ERN1: variants seen among roughly 807,000 people sequenced by gnomAD.
ERN1 encodes endoplasmic reticulum to nucleus signaling 1.
ERN1 carries 39 observed loss-of-function variants against 113.1 expected under a neutral mutation model. The ratio of observed to expected loss-of-function variants is 0.34; its 90% CI spans 0.27 to 0.45. The LOEUF (loss-of-function observed/expected upper bound fraction) is 0.45. Ranked by LOEUF, ERN1 falls within the 20% of genes least tolerant of loss-of-function variation. The probability of loss-of-function intolerance (pLI) is 1.00; values close to 1 mark genes in which losing one functional copy is unlikely to be tolerated. For missense variants in ERN1, 976 were observed against 1,274.8 expected (o/e 0.77, Z 3.57); for synonymous variants, 507 against 515.9 (o/e 0.98, Z 0.23).
chr17:64,128,161 ATT>A (rs760752335), intron 1 of ERN1, among the ~76,000 whole-genome samples: 65 of 126,370 alleles, frequency 5.1e-4, no homozygotes, highest in African/African-American at 5.8e-4. Context: ...CGCCCGGCTA[ATT>A]TTTTTTTTTT....
chr17:64,083,898 CA>C (rs999598801), intron 2 of ERN1, among the ~76,000 whole-genome samples: 3 of 152,158 alleles, frequency 2.0e-5, no homozygotes, highest in African/African-American at 7.2e-5. Flanking sequence ...TTCCTTTGTC[CA>C]AGTTCATAAG....
chr17:64,129,837 C>CTACG (rs1197195909), intron 1 of ERN1, 139 bp downstream of exon 1: 8 of 772,818 alleles, frequency 1.0e-5, no homozygotes, highest in Non-Finnish European at 1.1e-5. Context: ...CCCGAGCCTC[C>CTACG]CACGGCTGGG....
At chr17:64,073,004 A>AT (rs34253228) in intron 5 of ERN1, among the ~76,000 whole-genome samples, 16,429 of 128,972 alleles carry the variant, frequency 0.13, 1,273 homozygotes, top group African/African-American at 0.21. Flanking sequence ...AGCCTTTGAA[A>AT]TTTTTTTTTT....
intron 18 of ERN1, among the ~76,000 whole-genome samples, chr17:64,048,670 T>C (rs1481694143): frequency 6.6e-6 from 1 of 152,118 alleles, no homozygotes; most frequent in African/African-American, 2.4e-5. Context: ...CAGCACAGAC[T>C]GCACCTACTG....
At chr17:64,068,074 A>G (rs1567868407) in intron 7 of ERN1, 116 bp downstream of exon 7, 1 of 709,010 alleles carries the variant, frequency 1.4e-6, no homozygotes. Flanking sequence ...CCATGGAAAG[A>G]AAGAACCTGG....
chr17:64,075,115 T>C, intron 5 of ERN1, 60 bp downstream of exon 5: 1 of 1,385,828 alleles, frequency 7.2e-7, no homozygotes, highest in South Asian at 1.2e-5. Context: ...GCATGCCACT[T>C]TCCCAGATTC....
At chr17:64,111,867 T>TA (rs962599204) in intron 1 of ERN1, among the ~76,000 whole-genome samples, 57 of 151,694 alleles carry the variant, frequency 3.8e-4, no homozygotes, top group South Asian at 6.2e-4. Context: ...CTATTTAATT[T>TA]AAAAAAAAAT....
chr17:64,090,288 C>G (rs1391218892), intron 2 of ERN1, among the ~76,000 whole-genome samples: 1 of 152,174 alleles, frequency 6.6e-6, no homozygotes, highest in Non-Finnish European at 1.5e-5. Flanking sequence ...CGAAGTGTCA[C>G]ACTTGGCAAA....
intron 17 of ERN1, among the ~76,000 whole-genome samples, chr17:64,050,681 AG>A (rs1296429718): frequency 1.3e-5 from 2 of 152,202 alleles, no homozygotes; most frequent in African/African-American, 2.4e-5. Flanking sequence ...GCTTAATGCA[AG>A]GGGGAAAATG....
At chr17:64,081,003 G>T (rs1488079489) in intron 2 of ERN1, among the ~76,000 whole-genome samples, 195 bp from the exon 3 acceptor site, 1 of 152,178 alleles carries the variant, frequency 6.6e-6, no homozygotes, top group Non-Finnish European at 1.5e-5. Context: ...TATCCACAAT[G>T]ATGCAAATGT....
chr17:64,045,076 C>A, intron 20 of ERN1, 149 bp from the exon 21 acceptor site: 1 of 718,826 alleles, frequency 1.4e-6, no homozygotes, highest in Non-Finnish European at 2.3e-6. Context: ...TCCTCCCATC[C>A]AACCCAAGGG....
At chr17:64,108,633 G>A (rs1914593242) in intron 1 of ERN1, among the ~76,000 whole-genome samples, 1 of 152,066 alleles carries the variant, frequency 6.6e-6, no homozygotes, top group Non-Finnish European at 1.5e-5. Context: ...TTTGCTAAAG[G>A]GAAACAGCAT....
At chr17:64,119,992 A>G (rs1255071708) in intron 1 of ERN1, among the ~76,000 whole-genome samples, 1 of 151,076 alleles carries the variant, frequency 6.6e-6, no homozygotes, top group African/African-American at 2.4e-5. Context: ...CCTGACTTCA[A>G]GTGATCCTCT....
Position 64,063,653 on chromosome 17 carries a change from A to G in ERN1, c.1087+333T>C, listed in dbSNP as rs76519008. Among the ~76,000 whole-genome samples the G allele has an allele frequency of 0.019, 2,924 of 152,294 alleles. 83 individuals are homozygous for G. The highest frequency in any genetic ancestry group is 0.066 in the African/African-American group (2,751 of 41,540). ...CAGTTTTCTTAACTATAAAATGGAAATGACAAGGGTACCTACCTCACACAG... is the reference window on the plus strand; with the variant it reads ...CAGTTTTCTTAACTATAAAATGGAAGTGACAAGGGTACCTACCTCACACAG... On this transcript the variant is annotated intron_variant, in intron 10 of 21. Transcript: ENST00000433197. The surrounding 1 kb of genome is among the most constrained non-coding windows in gnomAD (Gnocchi z 5.1).
At chr17:64,058,921 G>A (rs1277212249) in intron 11 of ERN1, among the ~76,000 whole-genome samples, 2 of 152,080 alleles carry the variant, frequency 1.3e-5, no homozygotes, top group Non-Finnish European at 2.9e-5. Context: ...GAGTATATAG[G>A]AAGCACCTGG....
rs956112956 is a variant in ERN1 at position 64,061,981 on chromosome 17, C to G, written c.1088-1394G>C. Among the ~76,000 whole-genome samples, 25 of 152,248 alleles carry G rather than the reference C, an allele frequency of 1.6e-4. 1 individual carries two copies. Among genetic ancestry groups the G allele is most frequent in the Admixed American group, 1.1e-3 (17 of 15,288 alleles). The stretch of plus-strand genomic sequence containing the variant: ...TTCTGTCAACCTTCTTGTAAACAGG[C>G]TTCTCCTGGAGCTGGGCCTTCACTG... On this transcript the variant is annotated intron_variant, in intron 10 of 21. Transcript: ENST00000433197.
chr17:64,110,328 CCTTACATA>C (rs557391664), intron 1 of ERN1, among the ~76,000 whole-genome samples: 157 of 152,256 alleles, frequency 1.0e-3, no homozygotes, highest in Non-Finnish European at 1.7e-3. Flanking sequence ...ATATCCATTA[CCTTACATA>C]CTTATCATTT....
chr17:64,054,738 C>T lies in ERN1; in HGVS notation c.1763G>A (p.Arg588Gln), dbSNP rs1384961565. The T allele has an allele frequency of 3.1e-6, 5 of 1,603,520 alleles. No homozygotes were observed. The highest frequency in any genetic ancestry group is 1.3e-5 in the African/African-American group (1 of 74,734). Reference sequence around the variant, plus strand: ...GCAGGGGGCTGGCTAATCCACTCACCGGTACACAATTGTGCCCTCAGCTCC... The same window carrying T: ...GCAGGGGGCTGGCTAATCCACTCACTGGTACACAATTGTGCCCTCAGCTCC... ...GHGAEGTIVY[R>Q]GMFDNRDVAV... Residue 588 changes from arginine (R) to glutamine (Q), a missense_variant and splice_region_variant, in exon 14 of 22, where the codon CGG becomes CAG. Physicochemically the swap from Arg to Gln is conservative, Grantham distance 43. Coordinates refer to ENST00000433197, the MANE Select transcript of ERN1 (RefSeq NM_001433.5). This position sits in a 1 kb window ranked among gnomAD's most constrained non-coding sequence, Gnocchi z 4.9.
At chr17:64,123,972 A>T (rs1915015943) in intron 1 of ERN1, among the ~76,000 whole-genome samples, 1 of 152,230 alleles carries the variant, frequency 6.6e-6, no homozygotes, top group Non-Finnish European at 1.5e-5. Flanking sequence ...ATGTGCACAG[A>T]AAAAGCATCT....
Sources: gnomAD v4.1 joint callset for allele counts (sites outside exome capture counted in the v4.1 genomes callset) on GRCh38, gnomAD v4.1.1 for gene constraint, Gnocchi (gnomAD v3.1) non-coding constraint, MANE v1.5 for transcripts, NCBI Gene and HGNC (gene_info 2026-07-23, HGNC 2026-07-21) for gene names.